The following ARHGEF26 variants were observed in gnomAD, a reference collection of about 807,000 sequenced individuals.
ARHGEF26 encodes Rho guanine nucleotide exchange factor 26.
In ARHGEF26, 59 loss-of-function variants were observed where a neutral mutation model predicts 89.4. The observed-to-expected ratio is 0.66, with a 90% CI of 0.54 to 0.82. The LOEUF is 0.82. Among genes scored for constraint, ARHGEF26 ranks in the 40% least tolerant of loss-of-function variants. The pLI is 0.00. For missense variants in ARHGEF26, 1,234 were observed against 1,085.6 expected (o/e 1.14, Z -1.92); for synonymous variants, 500 against 428.4 (o/e 1.17, Z -2.06).
intron 6 of ARHGEF26, among the ~76,000 whole-genome samples, chr3:154,184,445 C>T (rs2108169496): frequency 6.6e-6 from 1 of 152,230 alleles, no homozygotes; most frequent in Admixed American, 6.5e-5. Context: ...TTTAGCTGTC[C>T]ATTAGACATC....
At chr3:154,148,429 T>TC (rs1414097532) in intron 4 of ARHGEF26, among the ~76,000 whole-genome samples, 1 of 152,210 alleles carries the variant, frequency 6.6e-6, no homozygotes, top group Middle Eastern at 3.2e-3. Context: ...ACCTTCTCTT[T>TC]CCCCTCAAAA....
upstream of ARHGEF26, chr3:154,121,190 C>T (rs1717865846): frequency 6.6e-6 from 1 of 152,370 alleles, no homozygotes; most frequent in South Asian, 2.1e-4. Context: ...AGCTACTAGT[C>T]CGCAACTTCT....
intron 9 of ARHGEF26, among the ~76,000 whole-genome samples, chr3:154,216,393 A>C (rs924520761): frequency 6.6e-6 from 1 of 151,750 alleles, no homozygotes; most frequent in Non-Finnish European, 1.5e-5. Context: ...TAGTGAAACA[A>C]ATTTAACTGA....
intron 9 of ARHGEF26, among the ~76,000 whole-genome samples, chr3:154,209,275 G>GT (rs1715222466): frequency 6.6e-6 from 1 of 152,086 alleles, no homozygotes; most frequent in African/African-American, 2.4e-5. Context: ...TCCTTATTTA[G>GT]TTCATTTGGT....
intron 12 of ARHGEF26, among the ~76,000 whole-genome samples, chr3:154,244,687 TAACA>T (rs975507064): frequency 1.2e-4 from 18 of 151,708 alleles, no homozygotes; most frequent in African/African-American, 3.6e-4. Context: ...ATATTATCAA[TAACA>T]AATTATAAAT....
At chr3:154,199,737 T>C (rs1360251729) in intron 9 of ARHGEF26, among the ~76,000 whole-genome samples, 1 of 152,170 alleles carries the variant, frequency 6.6e-6, no homozygotes, top group Admixed American at 6.6e-5. Context: ...TTATTGCCTG[T>C]CTTTTGGATA....
chr3:154,199,334 G>C (rs570735800), intron 9 of ARHGEF26, among the ~76,000 whole-genome samples: 13 of 151,690 alleles, frequency 8.6e-5, no homozygotes, highest in African/African-American at 2.9e-4. Context: ...TCTGTGTCTG[G>C]CTTATTTCAT....
chr3:154,201,955 G>T (rs1714670828), intron 9 of ARHGEF26, among the ~76,000 whole-genome samples: 1 of 151,448 alleles, frequency 6.6e-6, no homozygotes, highest in Non-Finnish European at 1.5e-5. Context: ...TTTGTAGGTT[G>T]CCTGTTCACT....
chr3:154,208,535 C>T (rs1229648847), intron 9 of ARHGEF26, among the ~76,000 whole-genome samples: 4 of 152,018 alleles, frequency 2.6e-5, no homozygotes, highest in African/African-American at 7.2e-5. Flanking sequence ...GTTTCTACCC[C>T]GTCTCTTTCT....
intron 8 of ARHGEF26, among the ~76,000 whole-genome samples, chr3:154,194,114 C>T (rs987645580): frequency 1.3e-5 from 2 of 152,138 alleles, no homozygotes; most frequent in African/African-American, 2.4e-5. Flanking sequence ...AGACATGAGC[C>T]ACTGTGCCTG....
rs149268363 is a variant in ARHGEF26 at position 154,127,891 on chromosome 3, G to A, written c.1124-1683G>A. ...ATATGGGACCACCGTTGTAGATGTG[G>A]TTTGTCATTGATCAAAACAATATTA... On this transcript the variant is annotated intron_variant, in intron 3 of 14. Transcript: ENST00000465093. Among the ~76,000 whole-genome samples the A allele has an allele frequency of 3.6e-3, 547 of 152,214 alleles. 3 individuals carry two copies. Among genetic ancestry groups the A allele is most frequent in the Admixed American group, 8.3e-3 (127 of 15,280 alleles).
intron 5 of ARHGEF26, among the ~76,000 whole-genome samples, 155 bp from the exon 6 acceptor site, chr3:154,152,617 T>C (rs1407048643): frequency 6.6e-6 from 1 of 152,202 alleles, no homozygotes; most frequent in Non-Finnish European, 1.5e-5. Context: ...AGAGTAGTTT[T>C]GTGATGTTGT....
At chr3:154,123,647 C>T (rs1444775896) in intron 2 of ARHGEF26, among the ~76,000 whole-genome samples, 1 of 152,112 alleles carries the variant, frequency 6.6e-6, no homozygotes, top group Non-Finnish European at 1.5e-5. Context: ...ATTTTGTCAT[C>T]TTTTTTGTTG....
intron 9 of ARHGEF26, among the ~76,000 whole-genome samples, chr3:154,208,234 A>G (rs543179508): frequency 6.6e-6 from 1 of 152,280 alleles, no homozygotes; most frequent in South Asian, 2.1e-4. Context: ...TTGGGCATAC[A>G]TACCCCTGAA....
At chr3:154,142,290 A>T (rs1719433445) in intron 4 of ARHGEF26, among the ~76,000 whole-genome samples, 1 of 152,046 alleles carries the variant, frequency 6.6e-6, no homozygotes, top group Non-Finnish European at 1.5e-5. Context: ...CTGGTCTCGA[A>T]CTCCTGGCCT....
intron 12 of ARHGEF26, among the ~76,000 whole-genome samples, chr3:154,251,871 C>T (rs1718174870): frequency 6.6e-6 from 1 of 152,168 alleles, no homozygotes; most frequent in Non-Finnish European, 1.5e-5. Context: ...ATGGAAATGC[C>T]TGGCGCATCT....
At chr3:154,159,998 C>A (rs1027909635) in intron 6 of ARHGEF26, among the ~76,000 whole-genome samples, 3 of 152,104 alleles carry the variant, frequency 2.0e-5, no homozygotes, top group Non-Finnish European at 2.9e-5. Flanking sequence ...AAACTTACCC[C>A]AGAGTCTTTG....
intron 4 of ARHGEF26, among the ~76,000 whole-genome samples, chr3:154,141,200 C>A (rs1004851424): frequency 6.8e-6 from 1 of 148,078 alleles, no homozygotes; most frequent in African/African-American, 2.5e-5. Context: ...CTCCTGACCT[C>A]GTTTTCCGCC....
At chr3:154,201,954 T>A (rs1714670644) in intron 9 of ARHGEF26, among the ~76,000 whole-genome samples, 1 of 151,660 alleles carries the variant, frequency 6.6e-6, no homozygotes, top group Non-Finnish European at 1.5e-5. Context: ...TTTTGTAGGT[T>A]GCCTGTTCAC....
Sources: allele counts gnomAD v4.1 joint callset (sites outside exome capture counted in the v4.1 genomes callset), GRCh38; gene constraint gnomAD v4.1.1; transcripts MANE v1.5; gene names NCBI Gene and HGNC (gene_info 2026-07-23, HGNC 2026-07-21).